Variants in SELENBP1 observed in about 807,000 individuals in gnomAD.
The protein encoded by SELENBP1 is selenium binding protein 1.
SELENBP1 carries 71 observed loss-of-function variants against 61.0 expected under a neutral mutation model. That is an observed-to-expected ratio of 1.16 (90% CI 0.96 to 1.42). The LOEUF (loss-of-function observed/expected upper bound fraction) is 1.42, where lower values mean the gene tolerates loss of function less well. SELENBP1 is among the 40% of genes most tolerant of loss of function. SELENBP1 has a pLI of 0.00. For synonymous variants in SELENBP1, 270 were observed against 238.9 expected (o/e 1.13, Z -1.20); for missense variants, 561 against 605.0 (o/e 0.93, Z 0.76).
chr1:151,365,413 AGTCCTG>A, intron 9 of SELENBP1, 132 bp from the exon 10 acceptor site: 1 of 1,479,950 alleles, frequency 6.8e-7, no homozygotes, highest in Non-Finnish European at 9.3e-7. Flanking sequence ...TGGCCTGGAC[AGTCCTG>A]GGCCTGTGCT....
rs771194175 is a variant in SELENBP1 at position 151,366,950 on chromosome 1, A to C, written c.482-46T>G. ...GGTGGCAGGTAGAAGCAGTAGAGAC[A>C]CTAACCCCACCCTCCAGCCCTCTCC... On this transcript the variant is annotated intron_variant, in intron 5 of 11. Transcript: ENST00000368868. 4 of 1,595,150 alleles carry C rather than the reference A, an allele frequency of 2.5e-6. No individual in the cohort carries two copies. The Admixed American group carries it at 5.1e-5, about 20-fold the overall frequency.
chr1:151,366,103 G>A (rs777987569), intron 7 of SELENBP1, 172 bp downstream of exon 7: 184 of 813,754 alleles, frequency 2.3e-4, no homozygotes, highest in Non-Finnish European at 3.0e-4. Flanking sequence ...GGATAAATAC[G>A]GCCAGTTAGG....
At chr1:151,368,431 A>G in intron 4 of SELENBP1, 112 bp from the exon 5 acceptor site, 6 of 1,401,904 alleles carry the variant, frequency 4.3e-6, no homozygotes, top group Non-Finnish European at 5.9e-6. Flanking sequence ...TTCCTTCAAA[A>G]CATGGACACA....
Position 151,372,667 on chromosome 1 carries a change from C to G in SELENBP1, c.-26G>C. 6.2e-7 allele frequency: 1 copy of G among 1,614,054 alleles called. No individual in the cohort carries two copies. Among genetic ancestry groups the G allele is most frequent in the Non-Finnish European group, 8.5e-7 (1 of 1,179,998 alleles). ...GCTGCCGACTGGTACACTTTGATCCCGGCGGGTTTGCTGTGCTGGTGTCAG... is the reference window on the plus strand; with the variant it reads ...GCTGCCGACTGGTACACTTTGATCCGGGCGGGTTTGCTGTGCTGGTGTCAG... On this transcript the variant is annotated 5_prime_UTR_variant, in exon 1 of 12. Transcript: ENST00000368868.
At chr1:151,368,082 G>A in intron 5 of SELENBP1, 117 bp downstream of exon 5, 2 of 1,365,612 alleles carry the variant, frequency 1.5e-6, no homozygotes, top group South Asian at 1.3e-5. Context: ...CAGCTCACTG[G>A]TTCTCCTTGG....
chr1:151,367,905 G>A (rs529923228), intron 5 of SELENBP1, among the ~76,000 whole-genome samples: 124 of 152,322 alleles, frequency 8.1e-4, no homozygotes, highest in African/African-American at 2.5e-3. Flanking sequence ...GAGCTCAAGC[G>A]ATCCGCTGGC....
At chr1:151,371,751 G>A (rs972241078) in intron 1 of SELENBP1, among the ~76,000 whole-genome samples, 5 of 152,160 alleles carry the variant, frequency 3.3e-5, no homozygotes, top group African/African-American at 9.7e-5. Context: ...GGAGCTGCCC[G>A]CTCTGCAGCC....
intron 5 of SELENBP1, 48 bp downstream of exon 5, chr1:151,368,151 A>C: frequency 6.3e-7 from 1 of 1,586,182 alleles, no homozygotes. Flanking sequence ...TGCTTCCCAC[A>C]TTTCACAGCT....
At chr1:151,368,906 C>T in intron 4 of SELENBP1, 98 bp downstream of exon 4, 1 of 1,300,332 alleles carries the variant, frequency 7.7e-7, no homozygotes, top group Non-Finnish European at 1.1e-6. Context: ...CGCGTAAGAG[C>T]TGGAGGCTGC....
Position 151,364,836 on chromosome 1 carries a change from C to G in SELENBP1, c.1256+90G>C, listed in dbSNP as rs576838085. The G allele has an allele frequency of 8.6e-6, 13 of 1,503,596 alleles. No homozygotes were observed. In the African/African-American group the frequency reaches 9.7e-5, roughly 11 times the overall value. The allele number at this position is 1,503,596 out of a possible 1,614,324, so 93.1% of individuals were successfully genotyped here. ...AATGGGCCATCTGTGTGGTGGGGTA[C>G]AGGGGTCTCCTTGAGGAGTCTTCAG... On this transcript the variant is annotated intron_variant, in intron 11 of 11. Coordinates refer to ENST00000368868, the MANE Select transcript of SELENBP1 (RefSeq NM_003944.4).
At chr1:151,372,239 C>T (rs554023941) in intron 1 of SELENBP1, among the ~76,000 whole-genome samples, 6 of 152,284 alleles carry the variant, frequency 3.9e-5, no homozygotes, top group African/African-American at 1.4e-4. Context: ...GGACTCCCTA[C>T]CTCGCTGGAG....
intron 6 of SELENBP1, 63 bp from the exon 7 acceptor site, chr1:151,366,516 A>G: frequency 1.9e-6 from 3 of 1,561,404 alleles, no homozygotes; most frequent in East Asian, 4.5e-5. Flanking sequence ...ATGGGCAAAG[A>G]CTGGGCCACC....
chr1:151,366,070 C>CAAAA, intron 7 of SELENBP1: 1 of 748,518 alleles, frequency 1.3e-6, no homozygotes, highest in Non-Finnish European at 2.2e-6. Context: ...CACAGACATT[C>CAAAA]ACTAAGTAGT....
chr1:151,367,900 C>A (rs1259275014), intron 5 of SELENBP1, among the ~76,000 whole-genome samples: 1 of 152,206 alleles, frequency 6.6e-6, no homozygotes, highest in Non-Finnish European at 1.5e-5. Flanking sequence ...CTCCTGAGCT[C>A]AAGCGATCCG....
chr1:151,372,001 A>G (rs1652162580), intron 1 of SELENBP1, among the ~76,000 whole-genome samples: 1 of 116,594 alleles, frequency 8.6e-6, no homozygotes, highest in Non-Finnish European at 2.2e-5. Context: ...TGCCAGCTCA[A>G]GAGCCAGCCC....
chr1:151,364,384 TG>T lies in SELENBP1; in HGVS notation c.*158del. The T allele has an allele frequency of 1.2e-6, 1 of 809,674 alleles. No homozygotes were observed. Among genetic ancestry groups the T allele is most frequent in the Non-Finnish European group, 2.0e-6 (1 of 500,320 alleles). The allele number at this position is 809,674 out of a possible 1,614,324, so 50.2% of individuals were successfully genotyped here. ...CAGCACAGTGAGCAACAAGCAACAG[TG>T]GTCAGTAAATGTATATGACTCAACA... On this transcript the variant is annotated 3_prime_UTR_variant, in exon 12 of 12. Coordinates refer to ENST00000368868, the MANE Select transcript of SELENBP1 (RefSeq NM_003944.4).
rs1651810441 is a variant in SELENBP1 at position 151,366,283 on chromosome 1, T to C, written c.835A>G (p.Lys279Glu). The change falls in exon 7 of 12, where the codon AAG becomes GAG. Residue 279 changes from lysine to glutamate, a missense_variant. Physicochemically the swap from Lys to Glu is moderately conservative, Grantham distance 56. Transcript: ENST00000368868. ...ALSSTIQRFYKNEGGTWSVEK... is the reference protein window; with the variant it reads ...ALSSTIQRFYENEGGTWSVEK... ...CAGAGGGCGTATGTCACCTCGTTCT[T>C]GTAGAAGCGCTGGATGGTGGAGCTG... 1 of 1,613,150 alleles carries C rather than the reference T, an allele frequency of 6.2e-7. No homozygotes were observed. Among genetic ancestry groups the C allele is most frequent in the Non-Finnish European group, 8.5e-7 (1 of 1,179,622 alleles).
In SELENBP1 at chr1:151,364,718, G is replaced by T; in HGVS notation, c.1257-13C>A. 6 of 1,569,708 alleles carry T rather than the reference G, an allele frequency of 3.8e-6. No homozygotes were observed. The highest frequency in any genetic ancestry group is 4.3e-6 in the Non-Finnish European group (5 of 1,156,880). On this transcript the variant is annotated splice_polypyrimidine_tract_variant and intron_variant, in intron 11 of 11. Transcript: ENST00000368868. ...CACAGAGCCTTCCCTGGTGGAAAAG[G>T]GAATGGGGTAAGGGAGAGGTCAGAG...
chr1:151,371,898 G>A (rs926009147), intron 1 of SELENBP1, among the ~76,000 whole-genome samples: 2 of 152,108 alleles, frequency 1.3e-5, no homozygotes, highest in South Asian at 2.1e-4. Context: ...GCAAGGTCTC[G>A]GAGCAGCTTT....
Sources: allele counts gnomAD v4.1 joint callset (sites outside exome capture counted in the v4.1 genomes callset), GRCh38; gene constraint gnomAD v4.1.1; transcripts MANE v1.5; gene names NCBI Gene and HGNC (gene_info 2026-07-23, HGNC 2026-07-21).